Variants in TEX2 observed in about 807,000 individuals in gnomAD.
TEX2 encodes testis-expressed protein 2.
TEX2 carries 53 observed loss-of-function variants against 106.9 expected under a neutral mutation model. The ratio of observed to expected loss-of-function variants is 0.50; its 90% CI spans 0.40 to 0.62. The LOEUF (loss-of-function observed/expected upper bound fraction) is 0.62, where lower values mean the gene tolerates loss of function less well. TEX2 is among the 20% of genes least tolerant of loss of function. TEX2 has a pLI of 0.00. For missense variants in TEX2, 1,207 were observed against 1,379.0 expected (o/e 0.88, Z 1.98); for synonymous variants, 523 against 534.8 (o/e 0.98, Z 0.30).
chr17:64,255,028 C>CTTT (rs566755382), intron 1 of TEX2, among the ~76,000 whole-genome samples: 3,422 of 132,414 alleles, frequency 0.026, 168 homozygotes, highest in South Asian at 0.089. Flanking sequence ...CTGCATCTGG[C>CTTT]TTTTTTTTTT....
At chr17:64,152,857 T>C in intron 10 of TEX2, 88 bp downstream of exon 10, 1 of 1,374,000 alleles carries the variant, frequency 7.3e-7, no homozygotes, top group Non-Finnish European at 1.0e-6. Flanking sequence ...GAAGGTACTT[T>C]CCATAACCTC....
chr17:64,159,909 T>C (rs1395592868), intron 8 of TEX2, among the ~76,000 whole-genome samples: 3 of 152,190 alleles, frequency 2.0e-5, no homozygotes, highest in African/African-American at 7.2e-5. Context: ...TCCCCCAATC[T>C]GCTACTACCA....
chr17:64,215,142 A>G (rs782024922), intron 1 of TEX2, among the ~76,000 whole-genome samples: 2 of 152,246 alleles, frequency 1.3e-5, no homozygotes, highest in Non-Finnish European at 2.9e-5. Context: ...AAAGCTGGGC[A>G]GCAAAACAAG....
At chr17:64,152,844 G>T in intron 10 of TEX2, 101 bp downstream of exon 10, 1 of 1,213,930 alleles carries the variant, frequency 8.2e-7, no homozygotes, top group Non-Finnish European at 1.2e-6. Flanking sequence ...CTTCTGCCCG[G>T]GAGAAGGTAC....
At chr17:64,246,028 A>C (rs1188556309) in intron 1 of TEX2, among the ~76,000 whole-genome samples, 6 of 152,180 alleles carry the variant, frequency 3.9e-5, no homozygotes, top group African/African-American at 1.4e-4. Flanking sequence ...CCTTCATGTG[A>C]GGACGTGTGC....
intron 2 of TEX2, among the ~76,000 whole-genome samples, chr17:64,197,035 T>G (rs1033263428): frequency 1.5e-5 from 2 of 134,654 alleles, no homozygotes; most frequent in Non-Finnish European, 3.2e-5. Flanking sequence ...CATAACACTT[T>G]GCTGATATTT....
At chr17:64,162,202 C>T (rs1330337321) in intron 7 of TEX2, among the ~76,000 whole-genome samples, 1 of 152,114 alleles carries the variant, frequency 6.6e-6, no homozygotes, top group Non-Finnish European at 1.5e-5. Flanking sequence ...TTACATTAAG[C>T]AGTTAGAAAG....
chr17:64,159,336 T>C (rs1488509381), intron 8 of TEX2, among the ~76,000 whole-genome samples: 1 of 152,190 alleles, frequency 6.6e-6, no homozygotes, highest in Middle Eastern at 3.2e-3. Flanking sequence ...CTGCTTCTGC[T>C]TCAGGTGCTT....
At chr17:64,183,370 C>T (rs1192515478) in intron 5 of TEX2, among the ~76,000 whole-genome samples, 3 of 152,128 alleles carry the variant, frequency 2.0e-5, no homozygotes, top group Non-Finnish European at 2.9e-5. Flanking sequence ...AAACTATTTC[C>T]CACAGTGGCT....
At chr17:64,247,548 A>G (rs564278685) in intron 1 of TEX2, among the ~76,000 whole-genome samples, 15 of 152,290 alleles carry the variant, frequency 9.8e-5, no homozygotes, top group Admixed American at 3.9e-4. Context: ...TCAGGGCTCC[A>G]GAGATGATCT....
At chr17:64,149,309 G>A (rs947075189) in intron 11 of TEX2, 26 of 513,158 alleles carry the variant, frequency 5.1e-5, no homozygotes, top group South Asian at 4.1e-4. Context: ...ATATCAGCTC[G>A]GAGGCAGAAG....
chr17:64,249,202 C>A (rs1371412349), intron 1 of TEX2, among the ~76,000 whole-genome samples: 2 of 152,066 alleles, frequency 1.3e-5, no homozygotes, highest in African/African-American at 2.4e-5. Context: ...AAACATCGTT[C>A]AAAAAAATTC....
intron 6 of TEX2, among the ~76,000 whole-genome samples, chr17:64,172,945 T>C (rs1389605344): frequency 6.6e-6 from 1 of 152,228 alleles, no homozygotes; most frequent in Non-Finnish European, 1.5e-5. Context: ...CTATATTTTC[T>C]CTGCTTGGAT....
rs188856103 is a variant in TEX2 at position 64,191,969 on chromosome 17, C to A, written c.2176+1590G>T. 2.8e-4 allele frequency among the ~76,000 whole-genome samples: 42 copies of A among 152,108 alleles called. 1 individual carries two copies. In the East Asian group the frequency reaches 6.0e-3, roughly 22 times the overall value. ...AGTTATTAATGAGATATTTTACATT[C>A]TTTTATTGGACTAAGACTTTGAAAT... On this transcript the variant is annotated intron_variant, in intron 4 of 11. Transcript: ENST00000584379.
At chr17:64,223,422 G>T (rs1227330870) in intron 1 of TEX2, among the ~76,000 whole-genome samples, 1 of 128,380 alleles carries the variant, frequency 7.8e-6, no homozygotes, top group East Asian at 2.5e-4. Flanking sequence ...GCCCTTCCTA[G>T]CTCTGTCTTT....
In TEX2 at chr17:64,160,985, G is replaced by C. The variant is rs777320918; in HGVS notation, c.2672-52C>G. On this transcript the variant is annotated intron_variant, in intron 7 of 11. Transcript: ENST00000584379. Reference sequence around the variant, plus strand: ...GTTTTTTTCCCTCAAAAAAACACATGACTATAAATGACTTACATTTAAAAA... The same window carrying C: ...GTTTTTTTCCCTCAAAAAAACACATCACTATAAATGACTTACATTTAAAAA... 4 of 1,571,398 alleles carry C rather than the reference G, an allele frequency of 2.5e-6. No individual in the cohort carries two copies. In the East Asian group the frequency reaches 9.0e-5, roughly 35 times the overall value.
chr17:64,228,929 T>TGTACACACAC (rs531528606), intron 1 of TEX2, among the ~76,000 whole-genome samples: 11 of 146,648 alleles, frequency 7.5e-5, no homozygotes, highest in Admixed American at 6.1e-4. Context: ...GACTGACAGG[T>TGTACACACAC]ACACACACAC....
At chr17:64,238,043 T>C (rs1428087085) in intron 1 of TEX2, among the ~76,000 whole-genome samples, 1 of 152,216 alleles carries the variant, frequency 6.6e-6, no homozygotes, top group Non-Finnish European at 1.5e-5. Flanking sequence ...GGTTCATGCC[T>C]GTAATCCTGA....
rs181562636 is a variant in TEX2 at position 64,185,348 on chromosome 17, C to A, written c.2424+2820G>T. Among the ~76,000 whole-genome samples the A allele has an allele frequency of 7.4e-4, 112 of 152,298 alleles. 1 individual carries two copies. Among genetic ancestry groups the A allele is most frequent in the African/African-American group, 2.5e-3 (105 of 41,574 alleles). ...AATGCAGGGCACACAGAACCAGCAG[C>A]CTCCCTGGACTCACACCCCTGAGCA... On this transcript the variant is annotated intron_variant, in intron 5 of 11. Transcript: ENST00000584379. This position sits in a 1 kb window ranked among gnomAD's most constrained non-coding sequence, Gnocchi z 4.0.
Sources: gnomAD v4.1 joint callset for allele counts (sites outside exome capture counted in the v4.1 genomes callset) on GRCh38, gnomAD v4.1.1 for gene constraint, Gnocchi (gnomAD v3.1) non-coding constraint, MANE v1.5 for transcripts, NCBI Gene and HGNC (gene_info 2026-07-23, HGNC 2026-07-21) for gene names.